Variants in FOXO3 observed in about 807,000 individuals in gnomAD.
FOXO3 encodes forkhead box O3, also known as forkhead box protein O3.
Under a neutral mutation model 41.9 loss-of-function variants are expected in FOXO3, and 4 were observed. The ratio of observed to expected loss-of-function variants is 0.10; its 90% CI spans 0.05 to 0.22. The LOEUF is 0.22. Ranked by LOEUF, FOXO3 falls within the 10% of genes least tolerant of loss-of-function variation. The probability of loss-of-function intolerance (pLI) is 1.00; values close to 1 mark genes in which losing one functional copy is unlikely to be tolerated. For synonymous variants in FOXO3, 318 were observed against 389.3 expected, an observed-to-expected ratio of 0.82 and a Z score of 2.16; for missense variants, 534 against 906.8, an observed-to-expected ratio of 0.59 and a Z score of 5.28.
intron 1 of FOXO3, among the ~76,000 whole-genome samples, chr6:108,622,617 A>C (rs1777700389): frequency 6.6e-6 from 1 of 151,922 alleles, no homozygotes; most frequent in Admixed American, 6.6e-5. Context: ...CACTCCAACT[A>C]CCACACAAAT....
intron 1 of FOXO3, among the ~76,000 whole-genome samples, chr6:108,662,284 G>A (rs2128386383): frequency 6.6e-6 from 1 of 152,270 alleles, no homozygotes; most frequent in South Asian, 2.1e-4. Flanking sequence ...CATATCAAGG[G>A]TACATATTAT....
chr6:108,581,274 A>T (rs1299257290), intron 1 of FOXO3, among the ~76,000 whole-genome samples: 1 of 152,192 alleles, frequency 6.6e-6, no homozygotes, highest in Non-Finnish European at 1.5e-5. Context: ...AAGCAGTAGG[A>T]GGAGGCCAAA....
intron 1 of FOXO3, among the ~76,000 whole-genome samples, chr6:108,645,203 CT>C (rs1778363248): frequency 6.6e-6 from 1 of 152,202 alleles, no homozygotes; most frequent in African/African-American, 2.4e-5. Flanking sequence ...AAAGCATAAA[CT>C]TAACCAAGTT....
intron 1 of FOXO3, among the ~76,000 whole-genome samples, chr6:108,629,755 A>G (rs935683294): frequency 6.6e-6 from 1 of 152,030 alleles, no homozygotes; most frequent in African/African-American, 2.4e-5. Flanking sequence ...TGAATAAAGT[A>G]TTACTTGTCT....
intron 1 of FOXO3, among the ~76,000 whole-genome samples, chr6:108,637,752 G>A (rs1210491490): frequency 6.6e-6 from 1 of 151,930 alleles, no homozygotes; most frequent in African/African-American, 2.4e-5. Flanking sequence ...TTCTCTAGTA[G>A]CTTTTTGGTT....
At chr6:108,579,352 C>G (rs921987136) in intron 1 of FOXO3, among the ~76,000 whole-genome samples, 1 of 152,126 alleles carries the variant, frequency 6.6e-6, no homozygotes, top group Non-Finnish European at 1.5e-5. Flanking sequence ...GTCAAGAAGG[C>G]AGGTTCGGTG....
At chr6:108,625,252 A>C (rs1003156041) in intron 1 of FOXO3, among the ~76,000 whole-genome samples, 3 of 152,186 alleles carry the variant, frequency 2.0e-5, no homozygotes, top group African/African-American at 7.2e-5. Flanking sequence ...AATAATTGTT[A>C]TGTAGTTTCT....
intron 1 of FOXO3, among the ~76,000 whole-genome samples, chr6:108,599,993 A>C (rs991325409): frequency 6.6e-6 from 1 of 152,198 alleles, no homozygotes; most frequent in Non-Finnish European, 1.5e-5. Flanking sequence ...TCTGAGGGGT[A>C]AGCAGGTTTT....
At chr6:108,648,534 T>C (rs1778456526) in intron 1 of FOXO3, among the ~76,000 whole-genome samples, 1 of 152,188 alleles carries the variant, frequency 6.6e-6, no homozygotes. Context: ...GCTGGAGCCA[T>C]GTATGTCTGC....
Position 108,561,152 on chromosome 6 carries a change from G to A in FOXO3, c.-57G>A, listed in dbSNP as rs1167696779. ...CCACGTCCCTCCCCCGCTGCACCCC[G>A]CCCCGGCGCGAGAGGAGAGCGCGAG... On this transcript the variant is annotated 5_prime_UTR_variant, in exon 1 of 3. Transcript: ENST00000406360. 1.4e-5 allele frequency: 21 copies of A among 1,494,432 alleles called. No homozygotes were observed. The East Asian group carries it at 5.4e-4, about 38-fold the overall frequency. 92.6% of individuals were successfully genotyped at this position (1,494,432 alleles called of 1,614,324 possible).
intron 1 of FOXO3, among the ~76,000 whole-genome samples, chr6:108,578,657 T>C (rs569946529): frequency 6.6e-6 from 1 of 152,378 alleles, no homozygotes; most frequent in South Asian, 2.1e-4. Flanking sequence ...TTCTCTTGTT[T>C]GTTTTGGTCT....
At chr6:108,564,401 A>G (rs1215581892) in intron 1 of FOXO3, among the ~76,000 whole-genome samples, 2 of 152,228 alleles carry the variant, frequency 1.3e-5, no homozygotes, top group Non-Finnish European at 2.9e-5. Context: ...TCTTGTCATG[A>G]TTAGTCATTT....
intron 1 of FOXO3, among the ~76,000 whole-genome samples, chr6:108,584,091 C>T (rs926219982): frequency 6.6e-6 from 1 of 152,178 alleles, no homozygotes; most frequent in African/African-American, 2.4e-5. Context: ...CATGGTTATT[C>T]ATCCATTTAG....
At chr6:108,568,305 T>C (rs1776002076) in intron 1 of FOXO3, among the ~76,000 whole-genome samples, 1 of 151,906 alleles carries the variant, frequency 6.6e-6, no homozygotes. Flanking sequence ...TTCATCTCAG[T>C]GCTGTTTGCC....
chr6:108,628,887 G>A (rs1038415629), intron 1 of FOXO3, among the ~76,000 whole-genome samples: 1 of 151,884 alleles, frequency 6.6e-6, no homozygotes, highest in African/African-American at 2.4e-5. Flanking sequence ...GACCTCTAGG[G>A]ACCTCTGAAC....
chr6:108,624,648 A>T (rs1436458035), intron 1 of FOXO3, among the ~76,000 whole-genome samples: 1 of 152,184 alleles, frequency 6.6e-6, no homozygotes. Context: ...TACTTTGGTG[A>T]AGCTTTAGAT....
chr6:108,641,504 C>G (rs1055745007), intron 1 of FOXO3, among the ~76,000 whole-genome samples: 7 of 152,164 alleles, frequency 4.6e-5, no homozygotes, highest in African/African-American at 1.7e-4. Flanking sequence ...TTGTAAAGCT[C>G]TGTCTCAACT....
At chr6:108,655,973 T>C (rs1195545404) in intron 1 of FOXO3, among the ~76,000 whole-genome samples, 4 of 152,196 alleles carry the variant, frequency 2.6e-5, no homozygotes, top group African/African-American at 9.7e-5. Flanking sequence ...AGCACTGTAT[T>C]GAAAGACAGT....
intron 1 of FOXO3, among the ~76,000 whole-genome samples, chr6:108,625,336 A>AG (rs1777782747): frequency 6.6e-6 from 1 of 152,204 alleles, no homozygotes; most frequent in Non-Finnish European, 1.5e-5. Context: ...GAGTGATTGA[A>AG]GTAATAGTTT....
Sources: gnomAD v4.1 joint callset for allele counts (sites outside exome capture counted in the v4.1 genomes callset) on GRCh38, gnomAD v4.1.1 for gene constraint, MANE v1.5 for transcripts, NCBI Gene and HGNC (gene_info 2026-07-23, HGNC 2026-07-21) for gene names.